CNTNAP2: variants seen among roughly 807,000 people sequenced by gnomAD.
CNTNAP2 encodes contactin associated protein 2.
CNTNAP2 carries 98 observed loss-of-function variants against 155.2 expected under a neutral mutation model. The ratio of observed to expected loss-of-function variants is 0.63; its 90% confidence interval spans 0.54 to 0.75. CNTNAP2 has a LOEUF of 0.75. Among genes scored for constraint, CNTNAP2 ranks in the 30% least tolerant of loss-of-function variants. CNTNAP2 has a pLI of 0.00. For missense variants in CNTNAP2, 1,727 were observed against 1,688.1 expected, an observed-to-expected ratio of 1.02 and a Z score of -0.40; for synonymous variants, 651 against 631.2, an observed-to-expected ratio of 1.03 and a Z score of -0.47.
At chr7:147,414,177 C>A (rs1382858044) in intron 10 of CNTNAP2, among the ~76,000 whole-genome samples, 1 of 152,142 alleles carries the variant, frequency 6.6e-6, no homozygotes, top group Non-Finnish European at 1.5e-5. Flanking sequence ...GTAATCCCAG[C>A]ACTTTGGGAG....
intron 10 of CNTNAP2, among the ~76,000 whole-genome samples, chr7:147,476,261 A>G (rs1178395968): frequency 1.3e-5 from 2 of 151,814 alleles, no homozygotes; most frequent in African/African-American, 2.4e-5. Context: ...GCCCGCCACC[A>G]TGCCCAGCTA....
intron 12 of CNTNAP2, among the ~76,000 whole-genome samples, chr7:147,593,437 T>C (rs1194907998): frequency 6.6e-6 from 1 of 151,950 alleles, no homozygotes; most frequent in African/African-American, 2.4e-5. Context: ...GCTCTGTTAT[T>C]AATTTCAGCC....
At chr7:147,450,482 G>C (rs1461560680) in intron 10 of CNTNAP2, among the ~76,000 whole-genome samples, 1 of 152,134 alleles carries the variant, frequency 6.6e-6, no homozygotes, top group Non-Finnish European at 1.5e-5. Flanking sequence ...TGAGAACTCA[G>C]CCAAGCTCAC....
chr7:147,868,791 G>T (rs1799277423), intron 13 of CNTNAP2, among the ~76,000 whole-genome samples: 1 of 152,252 alleles, frequency 6.6e-6, no homozygotes, highest in Admixed American at 6.5e-5. Flanking sequence ...GCATGGGAAA[G>T]GTTCTCCTTG....
intron 21 of CNTNAP2, among the ~76,000 whole-genome samples, chr7:148,363,510 A>C (rs1430613380): frequency 1.3e-5 from 2 of 152,240 alleles, no homozygotes; most frequent in Non-Finnish European, 2.9e-5. Flanking sequence ...GTGAGCTCAA[A>C]AACGTACGAT....
chr7:148,037,392 C>T (rs184874398), intron 15 of CNTNAP2, among the ~76,000 whole-genome samples: 103 of 152,272 alleles, frequency 6.8e-4, no homozygotes, highest in African/African-American at 2.4e-3. Context: ...GTCTCTGGGC[C>T]ATGTCCAATC....
intron 21 of CNTNAP2, among the ~76,000 whole-genome samples, chr7:148,331,494 G>C (rs187431065): frequency 2.9e-5 from 4 of 137,988 alleles, no homozygotes; most frequent in Non-Finnish European, 4.6e-5. Context: ...GGAATGGACA[G>C]ATGGAGTTGA....
intron 1 of CNTNAP2, among the ~76,000 whole-genome samples, chr7:146,717,804 A>G (rs911778616): frequency 1.3e-5 from 2 of 152,084 alleles, no homozygotes; most frequent in Non-Finnish European, 2.9e-5. Flanking sequence ...TTAGCATTTC[A>G]TAAAGTATCC....
chr7:147,012,940 A>C (rs752106335), intron 3 of CNTNAP2, among the ~76,000 whole-genome samples: 12 of 152,082 alleles, frequency 7.9e-5, no homozygotes, highest in Non-Finnish European at 1.6e-4. Context: ...TGTGTTTAAA[A>C]TTGAATCTCC....
chr7:147,696,347 T>G (rs1796160961), intron 13 of CNTNAP2, among the ~76,000 whole-genome samples: 1 of 152,178 alleles, frequency 6.6e-6, no homozygotes, highest in South Asian at 2.1e-4. Context: ...TCAATTATAC[T>G]TCTTTGTTTT....
chr7:146,185,784 A>C (rs1340580679), intron 1 of CNTNAP2, among the ~76,000 whole-genome samples: 1 of 147,218 alleles, frequency 6.8e-6, no homozygotes, highest in Non-Finnish European at 1.5e-5. Flanking sequence ...TTTTTGTAGA[A>C]CACACCGAGC....
intron 15 of CNTNAP2, among the ~76,000 whole-genome samples, chr7:148,019,092 G>T (rs6964965): frequency 6.6e-6 from 1 of 152,004 alleles, no homozygotes; most frequent in African/African-American, 2.4e-5. Context: ...GTTCAGCCCT[G>T]AATACCTGCT....
At chr7:147,739,231 G>A (rs947840650) in intron 13 of CNTNAP2, among the ~76,000 whole-genome samples, 1 of 150,848 alleles carries the variant, frequency 6.6e-6, no homozygotes, top group Non-Finnish European at 1.5e-5. Context: ...AACTGTAAGA[G>A]AAAACCTTAT....
At chr7:148,074,210 C>T (rs1397755139) in intron 15 of CNTNAP2, among the ~76,000 whole-genome samples, 27 of 152,082 alleles carry the variant, frequency 1.8e-4, no homozygotes, top group Admixed American at 1.8e-3. Context: ...GTATCCCTTC[C>T]CCCCAGCTTT....
chr7:148,137,364 A>G (rs62471728), intron 16 of CNTNAP2, among the ~76,000 whole-genome samples: 10,641 of 152,294 alleles, frequency 0.07, 461 homozygotes, highest in Non-Finnish European at 0.1. Flanking sequence ...AGCTTGCTAT[A>G]TAGAAAATGA....
intron 8 of CNTNAP2, among the ~76,000 whole-genome samples, chr7:147,178,240 G>T (rs532696762): frequency 5.3e-5 from 8 of 152,066 alleles, no homozygotes; most frequent in Non-Finnish European, 1.0e-4. Flanking sequence ...TATTATCTGT[G>T]GTCAGAAAAT....
intron 3 of CNTNAP2, among the ~76,000 whole-genome samples, chr7:146,998,536 C>A (rs991693333): frequency 6.6e-6 from 1 of 151,864 alleles, no homozygotes; most frequent in African/African-American, 2.4e-5. Flanking sequence ...GTCTGTATAC[C>A]TGCTATATTC....
chr7:147,483,837 C>T (rs998790239), intron 10 of CNTNAP2, among the ~76,000 whole-genome samples: 1 of 152,192 alleles, frequency 6.6e-6, no homozygotes, highest in African/African-American at 2.4e-5. Flanking sequence ...GCCTCAGGGC[C>T]TGTACAGAAT....
At chr7:147,985,422 T>TTG (rs1449167318) in intron 15 of CNTNAP2, among the ~76,000 whole-genome samples, 8 of 148,594 alleles carry the variant, frequency 5.4e-5, no homozygotes, top group Non-Finnish European at 1.0e-4. Flanking sequence ...TTTTTTTTTT[T>TTG]TTTTGCGAAT....
Sources: gnomAD v4.1 joint callset for allele counts (sites outside exome capture counted in the v4.1 genomes callset) on GRCh38, gnomAD v4.1.1 for gene constraint, MANE v1.5 for transcripts, NCBI Gene and HGNC (gene_info 2026-07-23, HGNC 2026-07-21) for gene names.